The following ERG variants were observed in gnomAD, a reference collection of about 807,000 sequenced individuals.
ERG encodes ETS transcription factor ERG, also known as transcriptional regulator ERG.
In ERG, 9 loss-of-function variants were observed where a neutral mutation model predicts 55.3. The observed-to-expected ratio is 0.16, with a 90% CI of 0.10 to 0.28. The LOEUF is 0.28. Among genes scored for constraint, ERG ranks in the 10% least tolerant of loss-of-function variants. The pLI is 1.00. For missense variants in ERG, 434 were observed against 631.6 expected, an observed-to-expected ratio of 0.69 and a Z score of 3.35; for synonymous variants, 223 against 237.3, an observed-to-expected ratio of 0.94 and a Z score of 0.55.
intron 3 of ERG, among the ~76,000 whole-genome samples, chr21:38,420,757 C>A (rs1030107874): frequency 1.3e-5 from 2 of 152,174 alleles, no homozygotes; most frequent in Non-Finnish European, 2.9e-5. Context: ...TTGATGGCCT[C>A]ATGGAAATAC....
intron 1 of ERG, among the ~76,000 whole-genome samples, chr21:38,466,647 C>A (rs1408587620): frequency 6.6e-6 from 1 of 152,036 alleles, no homozygotes; most frequent in Admixed American, 6.5e-5. Flanking sequence ...ATGGTCAGTT[C>A]TTCATATGAT....
At chr21:38,458,159 C>T (rs958762795) in intron 1 of ERG, among the ~76,000 whole-genome samples, 1 of 152,198 alleles carries the variant, frequency 6.6e-6, no homozygotes. Context: ...GGCATGGTGG[C>T]TCGTGCCTGT....
chr21:38,418,943 AAAAAAAAGAAAG>A, intron 3 of ERG, among the ~76,000 whole-genome samples: 1 of 147,476 alleles, frequency 6.8e-6, no homozygotes, highest in Non-Finnish European at 1.5e-5. Context: ...AAAAAAAAAA[AAAAAAAAGAAAG>A]AAAGAAAAAG....
At position 38,381,211 on chromosome 21, in the gene ERG, G is replaced by A; in HGVS notation, c.*2192C>T. On this transcript the variant is annotated 3_prime_UTR_variant, in exon 10 of 10. Transcript: ENST00000288319. The stretch of plus-strand genomic sequence containing the variant: ...AATCATAGCAAAAGGACTGCAACGT[G>A]AAAAAAACAGGCCCTGAAACAGCTA... 10 of 1,065,070 alleles carry A rather than the reference G, an allele frequency of 9.4e-6. No individual in the cohort carries two copies. Among genetic ancestry groups the A allele is most frequent in the Non-Finnish European group, 1.0e-5 (9 of 879,164 alleles). 66.0% of individuals were successfully genotyped at this position (1,065,070 alleles called of 1,614,324 possible). A position where few individuals can be genotyped will look rare whatever the true frequency, so the allele number is the denominator to read the frequency against.
intron 6 of ERG, among the ~76,000 whole-genome samples, chr21:38,396,099 T>C (rs1022276910): frequency 3.3e-5 from 5 of 152,274 alleles, no homozygotes; most frequent in South Asian, 2.1e-4. Flanking sequence ...TGAAATTAGA[T>C]GCTAATGGGG....
intron 1 of ERG, among the ~76,000 whole-genome samples, chr21:38,617,986 C>A (rs1397418984): frequency 6.6e-6 from 1 of 152,146 alleles, no homozygotes; most frequent in Non-Finnish European, 1.5e-5. Context: ...CAGCACCTGG[C>A]AGGACGAGGC....
chr21:38,541,571 A>G (rs1035542711), intron 2 of ERG, among the ~76,000 whole-genome samples: 1 of 152,248 alleles, frequency 6.6e-6, no homozygotes, highest in East Asian at 1.9e-4. Flanking sequence ...TTAAGGCAAT[A>G]AAGTCAAACA....
At chr21:38,660,042 GGACCGCTCCTGGC>G (rs72394651) in intron 1 of ERG, among the ~76,000 whole-genome samples, 58,812 of 151,894 alleles carry the variant, frequency 0.39, 12,440 homozygotes, top group Middle Eastern at 0.55. Context: ...GAAAGGAAAG[GGACCGCTCCTGGC>G]GCTGAGAGCT....
intron 1 of ERG, among the ~76,000 whole-genome samples, chr21:38,644,631 C>G (rs1440530114): frequency 6.6e-6 from 1 of 152,124 alleles, no homozygotes; most frequent in Non-Finnish European, 1.5e-5. Flanking sequence ...CTAACTTAGG[C>G]TGAATTCTAT....
At chr21:38,633,125 A>G (rs1601334949) in intron 1 of ERG, among the ~76,000 whole-genome samples, 2 of 151,568 alleles carry the variant, frequency 1.3e-5, no homozygotes, top group Admixed American at 6.6e-5. Flanking sequence ...AGCCAGCCAC[A>G]AAAAAAAGAT....
intron 2 of ERG, among the ~76,000 whole-genome samples, chr21:38,443,334 C>G (rs571998500): frequency 6.6e-6 from 1 of 152,310 alleles, no homozygotes; most frequent in Non-Finnish European, 1.5e-5. Context: ...TTTCCTTCCT[C>G]TCTCCCCACC....
intron 3 of ERG, among the ~76,000 whole-genome samples, chr21:38,421,955 C>A (rs753066905): frequency 6.6e-6 from 1 of 152,158 alleles, no homozygotes. Flanking sequence ...CTGGTTCAAG[C>A]GATTCTCCTG....
rs2059527020 is a variant in ERG at position 38,513,167 on chromosome 21, T to C, written c.-41+62495A>G. 2.0e-5 allele frequency among the ~76,000 whole-genome samples: 3 copies of C among 152,132 alleles called. No homozygotes were observed. In the South Asian group the frequency reaches 6.2e-4, roughly 32 times the overall value. On this transcript the variant is annotated intron_variant, in intron 2 of 8. Coordinates refer to the ERG transcript ENST00000398897. ...AATAATAATAGGCTACCAATTAGACTTTATAGAATACATAAATATATTAAT... is the reference window on the plus strand; with the variant it reads ...AATAATAATAGGCTACCAATTAGACCTTATAGAATACATAAATATATTAAT...
the ERG span, among the ~76,000 whole-genome samples, chr21:38,369,491 T>G: frequency 6.6e-6 from 1 of 152,206 alleles, no homozygotes; most frequent in Non-Finnish European, 1.5e-5. Flanking sequence ...AAGAAATTAA[T>G]AAATTTAAGT....
At chr21:38,571,873 C>A (rs904763122) in intron 2 of ERG, among the ~76,000 whole-genome samples, 1 of 152,178 alleles carries the variant, frequency 6.6e-6, no homozygotes, top group African/African-American at 2.4e-5. Flanking sequence ...TCCTCCAGGA[C>A]AGCCTACGGA....
At chr21:38,658,537 C>T (rs994604508) in intron 1 of ERG, among the ~76,000 whole-genome samples, 1 of 151,876 alleles carries the variant, frequency 6.6e-6, no homozygotes, top group Non-Finnish European at 1.5e-5. Context: ...CCTTTTATTT[C>T]TTTTTTGTTT....
chr21:38,408,793 A>T (rs1988901609), intron 3 of ERG, among the ~76,000 whole-genome samples: 1 of 151,948 alleles, frequency 6.6e-6, no homozygotes, highest in Non-Finnish European at 1.5e-5. Context: ...TCCTTTCTTG[A>T]CCCCAACCAC....
chr21:38,518,573 GA>G (rs2059570692), intron 2 of ERG, among the ~76,000 whole-genome samples: 1 of 151,990 alleles, frequency 6.6e-6, no homozygotes, highest in African/African-American at 2.4e-5. Flanking sequence ...TGGAAAATGA[GA>G]AATCCACATG....
chr21:38,401,531 T>C (rs75098192), intron 5 of ERG, among the ~76,000 whole-genome samples: 1 of 152,336 alleles, frequency 6.6e-6, no homozygotes, highest in Non-Finnish European at 1.5e-5. Context: ...AGCAATTTCA[T>C]TGTAATACTC....
Sources: gnomAD v4.1 joint callset for allele counts (sites outside exome capture counted in the v4.1 genomes callset) on GRCh38, gnomAD v4.1.1 for gene constraint, MANE v1.5 for transcripts, NCBI Gene and HGNC (gene_info 2026-07-23, HGNC 2026-07-21) for gene names.